Variants in NLGN1 observed in about 807,000 individuals in gnomAD.
NLGN1 encodes neuroligin 1.
Under a neutral mutation model 65.5 loss-of-function variants are expected in NLGN1, and 12 were observed. The observed-to-expected ratio is 0.18, with a 90% CI of 0.12 to 0.30. The LOEUF (loss-of-function observed/expected upper bound fraction) is 0.30, where lower values mean the gene tolerates loss of function less well. Among genes scored for constraint, NLGN1 ranks in the 10% least tolerant of loss-of-function variants. NLGN1 has a pLI of 1.00. For synonymous variants in NLGN1, 350 were observed against 359.5 expected (o/e 0.97, Z 0.30); for missense variants, 750 against 1,007.1 (o/e 0.74, Z 3.46).
At chr3:173,620,302 A>G (rs1753785538) in intron 3 of NLGN1, among the ~76,000 whole-genome samples, 1 of 152,118 alleles carries the variant, frequency 6.6e-6, no homozygotes, top group African/African-American at 2.4e-5. Context: ...TGGCAGCTTC[A>G]TAGGGTTTGT....
intron 2 of NLGN1, among the ~76,000 whole-genome samples, chr3:173,498,722 C>T (rs980018492): frequency 2.0e-5 from 3 of 151,802 alleles, no homozygotes; most frequent in African/African-American, 4.9e-5. Context: ...CCTATTGTTT[C>T]CTGACTTTTT....
chr3:173,556,935 G>A (rs573767807), intron 2 of NLGN1, among the ~76,000 whole-genome samples: 1 of 152,206 alleles, frequency 6.6e-6, no homozygotes, highest in South Asian at 2.1e-4. Context: ...CTTGATAAAT[G>A]TTCCATGTGC....
intron 4 of NLGN1, among the ~76,000 whole-genome samples, chr3:173,938,670 G>A (rs1192945851): frequency 6.6e-6 from 1 of 152,056 alleles, no homozygotes; most frequent in African/African-American, 2.4e-5. Flanking sequence ...CATTAATTTG[G>A]CTTCTCTAAT....
At chr3:174,016,299 G>A (rs1004982634) in intron 4 of NLGN1, among the ~76,000 whole-genome samples, 1 of 152,160 alleles carries the variant, frequency 6.6e-6, no homozygotes, top group Non-Finnish European at 1.5e-5. Flanking sequence ...AAAAGAGACT[G>A]GATGTATATG....
At chr3:174,275,632 G>A (rs1473336533) in intron 5 of NLGN1, 105 bp downstream of exon 5, 1 of 692,310 alleles carries the variant, frequency 1.4e-6, no homozygotes, top group South Asian at 1.8e-5. Context: ...TGAGTGTTAG[G>A]TTGAACTCAA....
intron 4 of NLGN1, among the ~76,000 whole-genome samples, chr3:174,248,111 A>G (rs926680860): frequency 1.3e-5 from 2 of 152,202 alleles, no homozygotes; most frequent in Non-Finnish European, 1.5e-5. Flanking sequence ...TGCAAGTGGA[A>G]CTCAGCTAGA....
At chr3:173,944,742 C>T (rs958341446) in intron 4 of NLGN1, among the ~76,000 whole-genome samples, 3 of 152,128 alleles carry the variant, frequency 2.0e-5, no homozygotes, top group Non-Finnish European at 4.4e-5. Flanking sequence ...TTGCTCCTTT[C>T]TGGTCTGATA....
intron 4 of NLGN1, among the ~76,000 whole-genome samples, chr3:174,077,369 C>T (rs6774757): frequency 0.24 from 37,012 of 151,878 alleles, 5,147 homozygotes; most frequent in African/African-American, 0.39. Flanking sequence ...ATCTGTGAAA[C>T]AGCTCCACTA....
intron 3 of NLGN1, among the ~76,000 whole-genome samples, chr3:173,739,949 C>T (rs1002658684): frequency 1.3e-5 from 2 of 152,132 alleles, no homozygotes; most frequent in African/African-American, 4.8e-5. Context: ...TGATTCATTT[C>T]CTAACAGACA....
chr3:174,020,347 G>GT (rs1278487294), intron 4 of NLGN1, among the ~76,000 whole-genome samples: 8 of 151,480 alleles, frequency 5.3e-5, no homozygotes, highest in Admixed American at 1.3e-4. Context: ...GGAAAGACAA[G>GT]TCTTTTTTTC....
chr3:173,577,102 C>T (rs1745614363), intron 2 of NLGN1, among the ~76,000 whole-genome samples: 1 of 152,100 alleles, frequency 6.6e-6, no homozygotes, highest in South Asian at 2.1e-4. Context: ...AACTGCAGTT[C>T]TTTGGGCCAC....
intron 3 of NLGN1, among the ~76,000 whole-genome samples, chr3:173,760,141 G>A (rs1318968977): frequency 6.6e-6 from 1 of 151,808 alleles, no homozygotes; most frequent in East Asian, 1.9e-4. Flanking sequence ...TTCACTAGTT[G>A]GAAATTCTGT....
intron 3 of NLGN1, among the ~76,000 whole-genome samples, chr3:173,721,613 C>T (rs567118121): frequency 6.6e-6 from 1 of 152,144 alleles, no homozygotes; most frequent in East Asian, 1.9e-4. Context: ...TTTACAACAA[C>T]CCATTGGGTT....
chr3:174,274,806 T>C (rs1750206708), intron 4 of NLGN1, among the ~76,000 whole-genome samples: 2 of 151,542 alleles, frequency 1.3e-5, no homozygotes, highest in Non-Finnish European at 2.9e-5. Context: ...TATAATTTCA[T>C]GGAGTTTACA....
At chr3:174,241,810 C>T (rs1389401279) in intron 4 of NLGN1, among the ~76,000 whole-genome samples, 7 of 152,128 alleles carry the variant, frequency 4.6e-5, no homozygotes, top group Non-Finnish European at 1.0e-4. Flanking sequence ...AGGCGCCCGC[C>T]ACCACGCCTG....
In NLGN1 at chr3:173,993,373, C is replaced by T. The variant is rs546123831; in HGVS notation, c.646+185541C>T. Among the ~76,000 whole-genome samples the T allele has an allele frequency of 5.9e-5, 9 of 152,244 alleles. No individual in the cohort carries two copies. In the East Asian group the frequency reaches 7.7e-4, roughly 13 times the overall value. ...ATGTGTGCACTAAATAGTGCATTTT[C>T]GGCTAGCTGTATTTGTAGCACAATG... On this transcript the variant is annotated intron_variant, in intron 4 of 6. Transcript: ENST00000457714.
At chr3:173,897,714 CA>C (rs1310159901) in intron 4 of NLGN1, among the ~76,000 whole-genome samples, 1 of 152,084 alleles carries the variant, frequency 6.6e-6, no homozygotes, top group Non-Finnish European at 1.5e-5. Flanking sequence ...GCAAGATAAA[CA>C]ATAGATATCT....
intron 4 of NLGN1, among the ~76,000 whole-genome samples, chr3:173,947,391 CCA>C (rs1327387951): frequency 1.3e-5 from 2 of 152,080 alleles, no homozygotes; most frequent in Non-Finnish European, 2.9e-5. Context: ...CTGAACATCT[CCA>C]TAGTACTTAC....
At chr3:173,911,462 T>G (rs994512620) in intron 4 of NLGN1, among the ~76,000 whole-genome samples, 2 of 152,184 alleles carry the variant, frequency 1.3e-5, no homozygotes, top group African/African-American at 2.4e-5. Context: ...ATTTCCTTTT[T>G]CTCTCCTTCA....
Sources: allele counts gnomAD v4.1 joint callset (sites outside exome capture counted in the v4.1 genomes callset), GRCh38; gene constraint gnomAD v4.1.1; transcripts MANE v1.5; gene names NCBI Gene and HGNC (gene_info 2026-07-23, HGNC 2026-07-21).